NUDT3: variants seen among roughly 807,000 people sequenced by gnomAD.
NUDT3 encodes nudix hydrolase 3, also known as diphosphoinositol polyphosphate phosphohydrolase 1.
In NUDT3, 9 loss-of-function variants were observed where a neutral mutation model predicts 23.6. That is an observed-to-expected ratio of 0.38 (90% CI 0.23 to 0.66). The LOEUF is 0.66. Ranked by LOEUF, NUDT3 falls within the 30% of genes least tolerant of loss-of-function variation. The probability of loss-of-function intolerance (pLI) is 0.52; values close to 1 mark genes in which losing one functional copy is unlikely to be tolerated. For missense variants in NUDT3, 172 were observed against 218.5 expected, an observed-to-expected ratio of 0.79 and a Z score of 1.34; for synonymous variants, 86 against 82.6, an observed-to-expected ratio of 1.04 and a Z score of -0.22.
At chr6:34,380,398 G>A (rs1764994679) in intron 1 of NUDT3, among the ~76,000 whole-genome samples, 1 of 151,972 alleles carries the variant, frequency 6.6e-6, no homozygotes, top group African/African-American at 2.4e-5. Flanking sequence ...TGTCACCCAG[G>A]TTGGAGTACA....
chr6:34,374,182 A>T (rs1408983363), intron 1 of NUDT3, among the ~76,000 whole-genome samples: 1 of 143,690 alleles, frequency 7.0e-6, no homozygotes, highest in Non-Finnish European at 1.5e-5. Context: ...AAAAAAAAAA[A>T]TGCATTCTAC....
intron 2 of NUDT3, among the ~76,000 whole-genome samples, chr6:34,304,214 G>C (rs918445148): frequency 6.2e-5 from 9 of 144,356 alleles, no homozygotes; most frequent in Non-Finnish European, 1.3e-4. Flanking sequence ...TTACGCCACT[G>C]TACTCCAGCC....
chr6:34,360,130 G>A (rs1448099061), intron 1 of NUDT3, among the ~76,000 whole-genome samples: 1 of 150,986 alleles, frequency 6.6e-6, no homozygotes, highest in Non-Finnish European at 1.5e-5. Context: ...TCAGGAGGCT[G>A]AGGAAGGAAG....
intron 2 of NUDT3, among the ~76,000 whole-genome samples, chr6:34,322,705 T>C (rs77722821): frequency 0.066 from 10,113 of 152,230 alleles, 1,068 homozygotes; most frequent in East Asian, 0.4. Flanking sequence ...CTGGGGACAT[T>C]TGAATATAGA....
intron 1 of NUDT3, among the ~76,000 whole-genome samples, chr6:34,354,005 C>T (rs1764519551): frequency 6.6e-6 from 1 of 151,752 alleles, no homozygotes; most frequent in African/African-American, 2.4e-5. Flanking sequence ...TGGGTTCAAG[C>T]GATTCTCCTG....
intron 2 of NUDT3, among the ~76,000 whole-genome samples, chr6:34,324,107 T>C (rs1763986969): frequency 6.6e-6 from 1 of 151,942 alleles, no homozygotes; most frequent in African/African-American, 2.4e-5. Flanking sequence ...GTAATCCCAG[T>C]ATTTTGGGAG....
chr6:34,384,702 G>A (rs1765076403), intron 1 of NUDT3, among the ~76,000 whole-genome samples: 1 of 152,180 alleles, frequency 6.6e-6, no homozygotes, highest in Admixed American at 6.6e-5. Context: ...CACAGTGTAT[G>A]ATAAAGTATC....
chr6:34,350,075 C>T (rs888300477), intron 1 of NUDT3, among the ~76,000 whole-genome samples: 2 of 148,764 alleles, frequency 1.3e-5, no homozygotes, highest in East Asian at 1.9e-4. Flanking sequence ...GGCGACAGAG[C>T]GAAACTCCGT....
intron 2 of NUDT3, among the ~76,000 whole-genome samples, chr6:34,318,977 T>C (rs1484394692): frequency 6.6e-6 from 1 of 151,642 alleles, no homozygotes; most frequent in African/African-American, 2.4e-5. Flanking sequence ...TTAGTCAATG[T>C]GTCCAAGCCT....
rs1338658616 is a variant in NUDT3 at position 34,281,238 on chromosome 6, C to T, written c.*7515G>A. ...TGGAGCAAACCAAGGTGGGGCCTCACTGCCTCCTCAGAGCCCATCCCTGAC... is the reference window on the plus strand; with the variant it reads ...TGGAGCAAACCAAGGTGGGGCCTCATTGCCTCCTCAGAGCCCATCCCTGAC... On this transcript the variant is annotated 3_prime_UTR_variant, in exon 5 of 5. Transcript: ENST00000607016. The T allele has an allele frequency of 6.6e-6, 1 of 152,256 alleles. No homozygotes were observed. Among genetic ancestry groups the T allele is most frequent in the African/African-American group, 2.4e-5 (1 of 41,460 alleles). The allele number at this position is 152,256 out of a possible 1,614,324, so 9.4% of individuals were successfully genotyped here. A position where few individuals can be genotyped will look rare whatever the true frequency, so the allele number is the denominator to read the frequency against.
intron 1 of NUDT3, among the ~76,000 whole-genome samples, chr6:34,351,278 C>T (rs1429676954): frequency 7.2e-6 from 1 of 139,548 alleles, no homozygotes; most frequent in South Asian, 2.3e-4. Context: ...CGTTCAAGAC[C>T]AGTCTGGGCA....
chr6:34,363,585 T>C (rs549396928), intron 1 of NUDT3, among the ~76,000 whole-genome samples: 162 of 152,166 alleles, frequency 1.1e-3, no homozygotes, highest in African/African-American at 3.7e-3. Flanking sequence ...AATAGATGTA[T>C]TAAGCATGGG....
intron 1 of NUDT3, among the ~76,000 whole-genome samples, chr6:34,359,265 T>A (rs1368740342): frequency 6.6e-6 from 1 of 152,058 alleles, no homozygotes; most frequent in Non-Finnish European, 1.5e-5. Flanking sequence ...CCCAGCTACT[T>A]GGGAGGCTGA....
intron 1 of NUDT3, among the ~76,000 whole-genome samples, chr6:34,382,723 C>A (rs561739687): frequency 1.3e-5 from 2 of 151,752 alleles, no homozygotes; most frequent in Non-Finnish European, 2.9e-5. Flanking sequence ...CTTAGCTACA[C>A]GGGAGGCTGA....
intron 2 of NUDT3, among the ~76,000 whole-genome samples, chr6:34,306,842 G>C (rs1264505436): frequency 6.6e-6 from 1 of 152,188 alleles, no homozygotes; most frequent in Non-Finnish European, 1.5e-5. Flanking sequence ...AAGTAATTTA[G>C]AGTAGTTATT....
intron 1 of NUDT3, among the ~76,000 whole-genome samples, chr6:34,382,284 T>C (rs1029393750): frequency 6.7e-6 from 1 of 150,288 alleles, no homozygotes; most frequent in African/African-American, 2.5e-5. Context: ...ATGCCTGTAG[T>C]CCCAGCTACT....
chr6:34,318,295 G>A (rs1763891091), intron 2 of NUDT3, among the ~76,000 whole-genome samples: 1 of 152,054 alleles, frequency 6.6e-6, no homozygotes, highest in Admixed American at 6.5e-5. Context: ...AAAGATGATG[G>A]GGTTGTAAAA....
At chr6:34,376,937 A>G (rs1173256554) in intron 1 of NUDT3, among the ~76,000 whole-genome samples, 13 of 152,064 alleles carry the variant, frequency 8.5e-5, no homozygotes, top group Admixed American at 8.5e-4. Flanking sequence ...ATATGCTCAG[A>G]GTCTCTGGCA....
At chr6:34,351,194 T>C (rs1764461529) in intron 1 of NUDT3, among the ~76,000 whole-genome samples, 1 of 12,844 alleles carries the variant, frequency 7.8e-5, no homozygotes, top group East Asian at 4.6e-3. Context: ...TACACTCCCC[T>C]GCCTAAAAAA....
Sources: gnomAD v4.1 joint callset for allele counts (sites outside exome capture counted in the v4.1 genomes callset) on GRCh38, gnomAD v4.1.1 for gene constraint, MANE v1.5 for transcripts, NCBI Gene and HGNC (gene_info 2026-07-23, HGNC 2026-07-21) for gene names.